TMEM182: variants seen among roughly 807,000 people sequenced by gnomAD.
TMEM182 encodes the protein transmembrane protein 182.
A neutral mutation model predicts 26.8 loss-of-function variants in TMEM182; 20 were observed. The ratio of observed to expected loss-of-function variants is 0.75; its 90% CI spans 0.53 to 1.09. TMEM182 has a LOEUF of 1.09. TMEM182 is among the 50% of genes least tolerant of loss of function. TMEM182 has a pLI of 0.00. For missense variants in TMEM182, 277 were observed against 275.5 expected (o/e 1.01, Z -0.04); for synonymous variants, 109 against 102.2 (o/e 1.07, Z -0.40).
intron 2 of TMEM182, 34 bp from the exon 3 acceptor site, chr2:102,764,295 A>G (rs748577851): frequency 5.6e-6 from 9 of 1,603,866 alleles, no homozygotes; most frequent in South Asian, 1.1e-5. Flanking sequence ...GAGCTTTTCA[A>G]TAACAAGTGC....
At chr2:102,778,478 G>A (rs1249740851) in intron 3 of TMEM182, among the ~76,000 whole-genome samples, 1 of 151,874 alleles carries the variant, frequency 6.6e-6, no homozygotes, top group African/African-American at 2.4e-5. Flanking sequence ...GCCTTTAGTT[G>A]ATGTATTTAG....
intron 3 of TMEM182, among the ~76,000 whole-genome samples, chr2:102,770,505 C>T (rs1385415232): frequency 6.6e-6 from 1 of 152,184 alleles, no homozygotes; most frequent in African/African-American, 2.4e-5. Flanking sequence ...TGCACTTCCT[C>T]CCTCAGGGAT....
intron 3 of TMEM182, among the ~76,000 whole-genome samples, chr2:102,837,689 C>T (rs909980296): frequency 1.6e-4 from 24 of 152,186 alleles, no homozygotes; most frequent in Admixed American, 1.6e-3. Context: ...GTTCATTTCA[C>T]ATTGACCACG....
intron 3 of TMEM182, among the ~76,000 whole-genome samples, chr2:102,769,369 G>A (rs1394778162): frequency 6.6e-6 from 1 of 152,150 alleles, no homozygotes; most frequent in African/African-American, 2.4e-5. Context: ...AAGAGCTGGA[G>A]GGATCAAGGA....
intron 3 of TMEM182, chr2:102,834,309 C>A: frequency 1.2e-6 from 1 of 844,860 alleles, no homozygotes; most frequent in Non-Finnish European, 1.4e-6. Context: ...AACCCTCATC[C>A]ATTTACCATC....
chr2:102,756,850 G>A (rs907125467), intron 1 of TMEM182, among the ~76,000 whole-genome samples: 13 of 151,710 alleles, frequency 8.6e-5, no homozygotes, highest in Non-Finnish European at 1.5e-4. Flanking sequence ...GTCTCACTGT[G>A]TAGCCCAGGC....
chr2:102,817,747 G>C, downstream of TMEM182: 1 of 974,894 alleles, frequency 1.0e-6, no homozygotes, highest in Non-Finnish European at 1.2e-6. Context: ...GCATGTCTGT[G>C]TATATTTGTG....
Position 102,815,706 on chromosome 2 carries a change from A to T in TMEM182, c.*738A>T. Reference sequence around the variant, plus strand: ...AATTTTTATGAACTTAAAGTGAGTTAATTGTATAATGTAATATTGTTTAAA... The same window carrying T: ...AATTTTTATGAACTTAAAGTGAGTTTATTGTATAATGTAATATTGTTTAAA... On this transcript the variant is annotated 3_prime_UTR_variant, in exon 5 of 5. Transcript: ENST00000412401. The T allele has an allele frequency of 1.0e-6, 1 of 971,346 alleles. No individual in the cohort carries two copies. Among genetic ancestry groups the T allele is most frequent in the Non-Finnish European group, 1.2e-6 (1 of 817,044 alleles). The allele number at this position is 971,346 out of a possible 1,614,324, so 60.2% of individuals were successfully genotyped here.
chr2:102,773,911 A>G (rs889542412), intron 3 of TMEM182, among the ~76,000 whole-genome samples: 1 of 152,132 alleles, frequency 6.6e-6, no homozygotes, highest in Non-Finnish European at 1.5e-5. Context: ...AAAACAAAAT[A>G]AAACACCAAA....
chr2:102,838,952 A>G (rs1683299966), intron 3 of TMEM182, among the ~76,000 whole-genome samples: 1 of 152,234 alleles, frequency 6.6e-6, no homozygotes, highest in African/African-American at 2.4e-5. Flanking sequence ...AAGGTTGTAC[A>G]GAGTCCTGTA....
intron 3 of TMEM182, among the ~76,000 whole-genome samples, chr2:102,776,392 A>G (rs1266241904): frequency 6.6e-6 from 1 of 152,136 alleles, no homozygotes; most frequent in Admixed American, 6.5e-5. Context: ...CTTTTTCAGA[A>G]TGTCGTATAG....
At position 102,816,928 on chromosome 2, in the gene TMEM182, CT is replaced by C; in HGVS notation, c.*1963del. ...TATAAATTTCAGATGGTTATCCTCA[CT>C]TTATAGTACACTTAAGTGGCTACCA... On this transcript the variant is annotated 3_prime_UTR_variant, in exon 5 of 5. Transcript: ENST00000412401. 1 of 985,632 alleles carries C rather than the reference CT, an allele frequency of 1.0e-6. No homozygotes were observed. Among genetic ancestry groups the C allele is most frequent in the Non-Finnish European group, 1.2e-6 (1 of 829,776 alleles). 61.1% of individuals were successfully genotyped at this position (985,632 alleles called of 1,614,324 possible).
chr2:102,775,406 T>C (rs1458949222), intron 3 of TMEM182: 1 of 152,168 alleles, frequency 6.6e-6, no homozygotes. Context: ...ATAAGAGCTA[T>C]CTATGACAAA....
chr2:102,772,341 A>C (rs1680713950), intron 3 of TMEM182, among the ~76,000 whole-genome samples: 1 of 152,088 alleles, frequency 6.6e-6, no homozygotes, highest in African/African-American at 2.4e-5. Flanking sequence ...TATAGCGGGG[A>C]GGCTAAAAAT....
At chr2:102,825,042 A>C (rs910075397) in intron 3 of TMEM182, among the ~76,000 whole-genome samples, 1 of 152,196 alleles carries the variant, frequency 6.6e-6, no homozygotes, top group African/African-American at 2.4e-5. Flanking sequence ...TTGCTTTCAT[A>C]ACATTGTTGC....
intron 3 of TMEM182, among the ~76,000 whole-genome samples, chr2:102,796,564 C>T (rs1327466159): frequency 6.6e-6 from 1 of 152,208 alleles, no homozygotes. Context: ...CTCTGCAACT[C>T]GTAATTTCCA....
intron 4 of TMEM182, among the ~76,000 whole-genome samples, chr2:102,814,298 GTC>G (rs970425496): frequency 1.6e-4 from 25 of 152,028 alleles, no homozygotes; most frequent in African/African-American, 5.8e-4. Context: ...CACTGTCTGT[GTC>G]TGTGTATATC....
chr2:102,808,983 C>G (rs140631345), intron 4 of TMEM182, among the ~76,000 whole-genome samples: 3 of 152,294 alleles, frequency 2.0e-5, no homozygotes, highest in Admixed American at 1.3e-4. Context: ...TGTGGCTACA[C>G]TGATGTTTAC....
chr2:102,771,991 C>T lies in TMEM182; in HGVS notation c.331+7564C>T, dbSNP rs141417866. Among the ~76,000 whole-genome samples, 9 of 152,266 alleles carry T rather than the reference C, an allele frequency of 5.9e-5. No homozygotes were observed. The East Asian group carries it at 1.7e-3, about 29-fold the overall frequency. Reference sequence around the variant, plus strand: ...CTGAGGCCATCTAGACATTTAGTCCCAAAACTTCTAACCCAGGCCCAGGAT... The same window carrying T: ...CTGAGGCCATCTAGACATTTAGTCCTAAAACTTCTAACCCAGGCCCAGGAT... On this transcript the variant is annotated intron_variant, in intron 3 of 4. Transcript: ENST00000412401.
Sources: allele counts gnomAD v4.1 joint callset (sites outside exome capture counted in the v4.1 genomes callset), GRCh38; gene constraint gnomAD v4.1.1; transcripts MANE v1.5; gene names NCBI Gene and HGNC (gene_info 2026-07-23, HGNC 2026-07-21).